NCKAP5L: variants seen among roughly 807,000 people sequenced by gnomAD.
The protein encoded by NCKAP5L is NCK associated protein 5 like, also known as nck-associated protein 5-like.
NCKAP5L carries 54 observed loss-of-function variants against 103.2 expected under a neutral mutation model. That is an observed-to-expected ratio of 0.52 (90% CI 0.42 to 0.66). The LOEUF (loss-of-function observed/expected upper bound fraction) is 0.66, where lower values mean the gene tolerates loss of function less well. NCKAP5L is among the 30% of genes least tolerant of loss of function. The pLI, the probability that NCKAP5L is intolerant of heterozygous loss-of-function variation, is 0.00. For missense variants in NCKAP5L, 1,733 were observed against 1,750.6 expected, an observed-to-expected ratio of 0.99 and a Z score of 0.18; for synonymous variants, 762 against 748.6, an observed-to-expected ratio of 1.02 and a Z score of -0.29.
intron 1 of NCKAP5L, among the ~76,000 whole-genome samples, chr12:49,814,897 A>C (rs1358471641): frequency 1.3e-5 from 2 of 152,234 alleles, no homozygotes; most frequent in Non-Finnish European, 2.9e-5. Flanking sequence ...TCATCATTGT[A>C]ACACTTCTGA....
At chr12:49,794,383 T>C (rs1009169111) in intron 8 of NCKAP5L, among the ~76,000 whole-genome samples, 2 of 152,162 alleles carry the variant, frequency 1.3e-5, no homozygotes, top group African/African-American at 4.8e-5. Flanking sequence ...TTGTGGCAGA[T>C]GTCAAAGGGC....
chr12:49,827,809 C>T (rs1337332472), intron 1 of NCKAP5L, among the ~76,000 whole-genome samples: 1 of 152,162 alleles, frequency 6.6e-6, no homozygotes, highest in Non-Finnish European at 1.5e-5. Context: ...TTCCCCAGGC[C>T]CTACCGCCCC....
At position 49,801,982 on chromosome 12, in the gene NCKAP5L, G is replaced by T; in HGVS notation, c.232-15C>A. On this transcript the variant is annotated splice_polypyrimidine_tract_variant and intron_variant, in intron 5 of 12. Transcript: ENST00000335999. ...TCTCGCAGGTCCTGCCGCCCACCCCGGGAAGTGCAGGAAGAAGAGGTGAGG... is the reference window on the plus strand; with the variant it reads ...TCTCGCAGGTCCTGCCGCCCACCCCTGGAAGTGCAGGAAGAAGAGGTGAGG... 6.2e-7 allele frequency: 1 copy of T among 1,613,036 alleles called. No homozygotes were observed.
At chr12:49,807,193 A>G (rs1698323233) in intron 1 of NCKAP5L, among the ~76,000 whole-genome samples, 1 of 152,170 alleles carries the variant, frequency 6.6e-6, no homozygotes, top group Non-Finnish European at 1.5e-5. Flanking sequence ...CAGAAAGAGA[A>G]GCAGCTGGAT....
chr12:49,796,313 G>A lies in NCKAP5L; in HGVS notation c.1547C>T (p.Ala516Val), dbSNP rs1345977680. The change falls in exon 8 of 13, where the codon GCG becomes GTG. Residue 516 changes from alanine (A) to valine (V), a missense_variant. Coordinates refer to ENST00000335999, the MANE Select transcript of NCKAP5L (RefSeq NM_001037806.4). The stretch of plus-strand genomic sequence containing the variant: ...TGAAGGGCTGGTGGGCAGGCCTTGC[G>A]CCCCCTCTGGGGACAGCTCTCCTCC... ...LGGGELSPEG[A>V]QGLPTSPSPC... 10 of 1,543,332 alleles carry A rather than the reference G, an allele frequency of 6.5e-6. No homozygotes were observed. Among genetic ancestry groups the A allele is most frequent in the East Asian group, 2.3e-5 (1 of 44,158 alleles).
Position 49,792,374 on chromosome 12 carries a change from G to T in NCKAP5L, c.3792+72C>A. The T allele has an allele frequency of 6.3e-7, 1 of 1,583,496 alleles. No individual in the cohort carries two copies. Among genetic ancestry groups the T allele is most frequent in the Admixed American group, 1.8e-5 (1 of 54,940 alleles). On this transcript the variant is annotated intron_variant, in intron 12 of 12. Coordinates refer to ENST00000335999, the MANE Select transcript of NCKAP5L (RefSeq NM_001037806.4). This position sits in a 1 kb window ranked among gnomAD's most constrained non-coding sequence, Gnocchi z 4.5. Reference sequence around the variant, plus strand: ...GCGACACACAGGCCGTACCTTACTGGAGAAACTGGTCTCCCCACATCACTC... The same window carrying T: ...GCGACACACAGGCCGTACCTTACTGTAGAAACTGGTCTCCCCACATCACTC...
intron 1 of NCKAP5L, among the ~76,000 whole-genome samples, chr12:49,816,958 G>T (rs1565595783): frequency 6.6e-6 from 1 of 152,138 alleles, no homozygotes; most frequent in South Asian, 2.1e-4. Context: ...AGAAGGGTCA[G>T]CTCTTGGGCT....
At chr12:49,806,572 T>C (rs917449640) in intron 1 of NCKAP5L, among the ~76,000 whole-genome samples, 1 of 152,128 alleles carries the variant, frequency 6.6e-6, no homozygotes, top group Non-Finnish European at 1.5e-5. Flanking sequence ...CTAACAACCC[T>C]GGAAGGGGAG....
At position 49,803,995 on chromosome 12, in the gene NCKAP5L, G is replaced by A. The variant is rs1436363611; in HGVS notation, c.50C>T (p.Pro17Leu). ...CATGCTGCCATCATCACCCTCTCCT[G>A]GCCTTGGGTTTCCAGGACCCCCAGC... is the stretch of plus-strand genomic sequence containing the variant. ...QPAGGPGNPR[P>L]GEGDDGSMEP... Residue 17 changes from proline (P) to leucine (L), a missense_variant, in exon 3 of 13, where the codon CCA becomes CTA. Coordinates refer to ENST00000335999, the MANE Select transcript of NCKAP5L (RefSeq NM_001037806.4). 1 of 1,612,400 alleles carries A rather than the reference G, an allele frequency of 6.2e-7. No homozygotes were observed. Among genetic ancestry groups the A allele is most frequent in the South Asian group, 1.1e-5 (1 of 91,074 alleles).
intron 7 of NCKAP5L, 92 bp downstream of exon 7, chr12:49,798,258 G>A (rs1946080011): frequency 8.2e-7 from 1 of 1,218,986 alleles, no homozygotes; most frequent in Non-Finnish European, 1.2e-6. Context: ...TTCCAGCCTG[G>A]ACAAACGTCT....
chr12:49,819,906 G>C (rs1166995602), intron 1 of NCKAP5L, among the ~76,000 whole-genome samples: 1 of 152,232 alleles, frequency 6.6e-6, no homozygotes, highest in Non-Finnish European at 1.5e-5. Context: ...ATTCCACACA[G>C]AAGGAAAGGC....
Position 49,796,656 on chromosome 12 carries a change from G to T in NCKAP5L, c.1204C>A (p.Pro402Thr). 1.9e-6 allele frequency: 3 copies of T among 1,580,850 alleles called. No homozygotes were observed. Among genetic ancestry groups the T allele is most frequent in the Non-Finnish European group, 2.6e-6 (3 of 1,165,160 alleles). Residue 402 changes from proline to threonine, a missense_variant, in exon 8 of 13, where the codon CCC becomes ACC. Transcript: ENST00000335999. The part of the protein sequence containing the change: ...GFGATSEGQG[P>T]LPFLSMFMGA... ...ATGAACATGCTAAGGAAGGGGAGGG[G>T]CCCCTGGCCCTCTGAGGTAGCACCG...
intron 10 of NCKAP5L, 145 bp downstream of exon 10, chr12:49,793,207 G>A: frequency 4.6e-6 from 4 of 864,874 alleles, no homozygotes; most frequent in Non-Finnish European, 7.2e-6. Flanking sequence ...ATTTGTTCCT[G>A]TGTAGCTCCA....
chr12:49,802,771 C>A, intron 5 of NCKAP5L, 187 bp downstream of exon 5: 1 of 641,638 alleles, frequency 1.6e-6, no homozygotes, highest in Non-Finnish European at 2.7e-6. Flanking sequence ...TCAGTGACCA[C>A]TGCTCAGAGA....
In NCKAP5L at chr12:49,792,606, G is replaced by C; in HGVS notation, c.3650-18C>G. The C allele has an allele frequency of 6.2e-7, 1 of 1,613,804 alleles. No homozygotes were observed. The highest frequency in any genetic ancestry group is 8.5e-7 in the Non-Finnish European group (1 of 1,179,800). On this transcript the variant is annotated intron_variant, in intron 11 of 12. Coordinates refer to ENST00000335999, the MANE Select transcript of NCKAP5L (RefSeq NM_001037806.4). The surrounding 1 kb of genome is among the most constrained non-coding windows in gnomAD (Gnocchi z 4.5). Reference sequence around the variant, plus strand: ...ACAGGGATCTGTCCAGGAACAAAGGGAAGGTGGATGGAGCTGCCTGGGCAG... The same window carrying C: ...ACAGGGATCTGTCCAGGAACAAAGGCAAGGTGGATGGAGCTGCCTGGGCAG...
At position 49,796,012 on chromosome 12, in the gene NCKAP5L, C is replaced by A; in HGVS notation, c.1848G>T (p.Gly616=). The stretch of plus-strand genomic sequence containing the variant: ...TGTCCAAACTCTTCTCTTGGGGGCT[C>A]CCATAGGGGTACGATTCTGGGAGGC... ...SPCLPESYPY[G]SPQEKSLDKA... Residue 616 remains glycine (G), a synonymous_variant, in exon 8 of 13, where the codon GGG becomes GGT. Coordinates refer to ENST00000335999, the MANE Select transcript of NCKAP5L (RefSeq NM_001037806.4). 6.5e-7 allele frequency: 1 copy of A among 1,547,380 alleles called. No individual in the cohort carries two copies.
At chr12:49,793,668 G>T (rs181334080) in intron 9 of NCKAP5L, 66 bp downstream of exon 9, 16 of 1,475,556 alleles carry the variant, frequency 1.1e-5, no homozygotes, top group South Asian at 1.4e-5. Context: ...AACCCTCTAG[G>T]GGGTAAGAGA....
intron 1 of NCKAP5L, among the ~76,000 whole-genome samples, chr12:49,813,831 AT>A (rs1017166880): frequency 4.7e-5 from 7 of 148,232 alleles, no homozygotes; most frequent in South Asian, 4.3e-4. Context: ...CCTGGCCTAC[AT>A]TTTTTTTTTA....
At chr12:49,810,465 T>C (rs915783627) in intron 1 of NCKAP5L, among the ~76,000 whole-genome samples, 1 of 152,184 alleles carries the variant, frequency 6.6e-6, no homozygotes. Context: ...CAAGTGGTTG[T>C]TGTTCTGCCA....
Sources: allele counts gnomAD v4.1 joint callset (sites outside exome capture counted in the v4.1 genomes callset), GRCh38; gene constraint gnomAD v4.1.1; non-coding constraint Gnocchi (gnomAD v3.1); transcripts MANE v1.5; gene names NCBI Gene and HGNC (gene_info 2026-07-23, HGNC 2026-07-21).